TBCCD1: variants seen among roughly 807,000 people sequenced by gnomAD.
The protein encoded by TBCCD1 is TBCC domain containing 1, also known as TBCC domain-containing protein 1.
TBCCD1 carries 26 observed loss-of-function variants against 53.4 expected under a neutral mutation model. The observed-to-expected ratio is 0.49, with a 90% confidence interval of 0.36 to 0.68. The LOEUF (loss-of-function observed/expected upper bound fraction) is 0.68. Ranked by LOEUF, TBCCD1 falls within the 30% of genes least tolerant of loss-of-function variation. TBCCD1 has a pLI of 0.00. For synonymous variants in TBCCD1, 245 were observed against 241.7 expected (o/e 1.01, Z -0.13); for missense variants, 558 against 669.5 (o/e 0.83, Z 1.84).
upstream of TBCCD1, among the ~76,000 whole-genome samples, chr3:186,569,616 G>T (rs1041386098): frequency 1.3e-4 from 19 of 143,600 alleles, no homozygotes; most frequent in Admixed American, 1.2e-3. Context: ...GAGCCACCGC[G>T]CCCGGGCTTT....
chr3:186,549,575 T>C (rs1714311320), intron 7 of TBCCD1, among the ~76,000 whole-genome samples: 1 of 152,210 alleles, frequency 6.6e-6, no homozygotes, highest in South Asian at 2.1e-4. Context: ...ACAGGATTGC[T>C]TGAGCGCAGG....
chr3:186,555,117 G>A, intron 4 of TBCCD1, 33 bp from the exon 5 acceptor site: 1 of 1,552,020 alleles, frequency 6.4e-7, no homozygotes. Flanking sequence ...AGATGAGGCA[G>A]TATCAAATCA....
chr3:186,566,337 G>A (rs183849790), intron 1 of TBCCD1, among the ~76,000 whole-genome samples: 12 of 152,228 alleles, frequency 7.9e-5, no homozygotes, highest in African/African-American at 2.9e-4. Context: ...CACCGCACCC[G>A]GCCTGCCAAC....
At chr3:186,552,013 AAATAT>A (rs758578877) in intron 6 of TBCCD1, among the ~76,000 whole-genome samples, 2 of 152,110 alleles carry the variant, frequency 1.3e-5, no homozygotes, top group East Asian at 1.9e-4. Flanking sequence ...AATACAATAA[AAATAT>A]AATATAAAGT....
chr3:186,549,029 G>A (rs1714290976), intron 7 of TBCCD1, among the ~76,000 whole-genome samples: 1 of 152,210 alleles, frequency 6.6e-6, no homozygotes, highest in Non-Finnish European at 1.5e-5. Flanking sequence ...GCTCATGCCT[G>A]TAATCCCAGC....
intron 2 of TBCCD1, among the ~76,000 whole-genome samples, chr3:186,559,386 T>G (rs1714633004): frequency 6.6e-6 from 1 of 152,188 alleles, no homozygotes; most frequent in Non-Finnish European, 1.5e-5. Context: ...GCCTCAGGTT[T>G]TCAGCAAATT....
upstream of TBCCD1, among the ~76,000 whole-genome samples, chr3:186,569,640 T>A (rs1027999332): frequency 6.1e-4 from 92 of 150,640 alleles, no homozygotes; most frequent in Non-Finnish European, 1.1e-3. Flanking sequence ...TTTTTTTTTT[T>A]AAATCATGGA....
At chr3:186,559,940 C>A (rs1714647479) in intron 2 of TBCCD1, among the ~76,000 whole-genome samples, 1 of 152,116 alleles carries the variant, frequency 6.6e-6, no homozygotes, top group Non-Finnish European at 1.5e-5. Flanking sequence ...CCCACTCACC[C>A]CTTCTTAGGC....
chr3:186,550,272 T>C (rs1237537693), intron 7 of TBCCD1, among the ~76,000 whole-genome samples: 1 of 147,834 alleles, frequency 6.8e-6, no homozygotes, highest in Admixed American at 6.8e-5. Context: ...AGTATACTAA[T>C]CTCTATTAAA....
intron 2 of TBCCD1, 97 bp from the exon 3 acceptor site, chr3:186,558,669 T>G: frequency 7.1e-7 from 1 of 1,415,082 alleles, no homozygotes; most frequent in Non-Finnish European, 9.5e-7. Context: ...AGTTGGCTGA[T>G]CCTAAAAAAA....
At chr3:186,568,335 A>G (rs1266423019), upstream of TBCCD1, among the ~76,000 whole-genome samples, 1 of 152,158 alleles carries the variant, frequency 6.6e-6, no homozygotes, top group South Asian at 2.1e-4. Context: ...AAAATAAGAT[A>G]ATTTCAAATA....
In TBCCD1 at chr3:186,546,168, G is replaced by A. The variant is rs550551550; in HGVS notation, c.*809C>T. On this transcript the variant is annotated 3_prime_UTR_variant, in exon 8 of 8. Coordinates refer to ENST00000338733, the MANE Select transcript of TBCCD1 (RefSeq NM_018138.5). ...TCCATACTTTAAGGACTAAAATATA[G>A]TATAAAACTATTTCTATGTCTATAT... 25 of 152,168 alleles carry A rather than the reference G, an allele frequency of 1.6e-4. No individual in the cohort carries two copies. In the East Asian group the frequency reaches 4.4e-3, roughly 27 times the overall value. 9.4% of individuals were successfully genotyped at this position (152,168 alleles called of 1,614,324 possible).
Position 186,556,451 on chromosome 3 carries a change from C to G in TBCCD1, c.817G>C (p.Ala273Pro). 1 of 1,605,474 alleles carries G rather than the reference C, an allele frequency of 6.2e-7. No homozygotes were observed. The highest frequency in any genetic ancestry group is 2.2e-5 in the East Asian group (1 of 44,840). The change falls in exon 4 of 8, where the codon GCT becomes CCT. Residue 273 changes from alanine (A) to proline (P), a missense_variant. Physicochemically the swap from Ala to Pro is conservative, Grantham distance 27. Transcript: ENST00000338733. The part of the protein sequence containing the change: ...CLTGNPFGTS[A>P]CLKSGKKLAW... ...AATTTCTTTCCAGACTTGAGGCAAG[C>G]TGATGTACCAAATGGATTCCCAGTC...
chr3:186,554,310 T>C lies in TBCCD1; in HGVS notation c.1488A>G (p.Gln496=), dbSNP rs1156245049. ...GCCAGATCTGTATCTTCTGTTCTCT[T>C]TGACCCAGTGCTTTCTGATATACAG... is the stretch of plus-strand genomic sequence containing the variant. ...LPSVYQKALG[Q]REQKIQIWQK... is the part of the protein sequence containing the mutation. The change falls in exon 6 of 8, where the codon CAA becomes CAG. Residue 496 remains glutamine, a synonymous_variant. Coordinates refer to ENST00000338733, the MANE Select transcript of TBCCD1 (RefSeq NM_018138.5). 6.2e-7 allele frequency: 1 copy of C among 1,614,242 alleles called. No homozygotes were observed. Among genetic ancestry groups the C allele is most frequent in the African/African-American group, 1.3e-5 (1 of 75,060 alleles).
At chr3:186,558,017 T>C (rs760198394) in intron 3 of TBCCD1, among the ~76,000 whole-genome samples, 1 of 152,256 alleles carries the variant, frequency 6.6e-6, no homozygotes, top group Non-Finnish European at 1.5e-5. Flanking sequence ...GTCACGTATG[T>C]AATTACTTAA....
intron 7 of TBCCD1, among the ~76,000 whole-genome samples, chr3:186,547,628 A>C (rs573564927): frequency 2.1e-5 from 3 of 145,026 alleles, no homozygotes; most frequent in African/African-American, 7.8e-5. Flanking sequence ...TTTTTTTAAG[A>C]CGGAGTCTCG....
chr3:186,566,491 T>C (rs1714835753), intron 1 of TBCCD1, among the ~76,000 whole-genome samples: 1 of 152,146 alleles, frequency 6.6e-6, no homozygotes, highest in Non-Finnish European at 1.5e-5. Context: ...TACTTAAGAC[T>C]GTACACATTT....
chr3:186,564,463 T>C (rs1714772020), intron 1 of TBCCD1, 91 bp from the exon 2 acceptor site: 1 of 780,406 alleles, frequency 1.3e-6, no homozygotes, highest in East Asian at 2.7e-5. Context: ...CTCAACTGTG[T>C]CATATGTACT....
At chr3:186,561,665 T>C (rs1714693041) in intron 2 of TBCCD1, among the ~76,000 whole-genome samples, 1 of 152,140 alleles carries the variant, frequency 6.6e-6, no homozygotes, top group Non-Finnish European at 1.5e-5. Flanking sequence ...GGTGGGTGCC[T>C]GTAGTCCCAG....
Sources: allele counts gnomAD v4.1 joint callset (sites outside exome capture counted in the v4.1 genomes callset), GRCh38; gene constraint gnomAD v4.1.1; transcripts MANE v1.5; gene names NCBI Gene and HGNC (gene_info 2026-07-23, HGNC 2026-07-21).